Variants in E2F3 observed in about 807,000 individuals in gnomAD.
E2F3 encodes the protein transcription factor E2F3.
A neutral mutation model predicts 44.4 loss-of-function variants in E2F3; 11 were observed. The ratio of observed to expected loss-of-function variants is 0.25; its 90% CI spans 0.16 to 0.41. The LOEUF (loss-of-function observed/expected upper bound fraction) is 0.41. Among genes scored for constraint, E2F3 ranks in the 10% least tolerant of loss-of-function variants. E2F3 has a pLI of 1.00. For missense variants in E2F3, 487 were observed against 583.6 expected, an observed-to-expected ratio of 0.83 and a Z score of 1.70; for synonymous variants, 249 against 253.0, an observed-to-expected ratio of 0.98 and a Z score of 0.15.
chr6:20,413,484 A>C (rs1216050922), intron 1 of E2F3, among the ~76,000 whole-genome samples: 2 of 152,184 alleles, frequency 1.3e-5, no homozygotes, highest in Non-Finnish European at 2.9e-5. Flanking sequence ...TGGTTCCAAA[A>C]CTTGCAGACT....
At chr6:20,480,457 A>G (rs2127620699) in intron 2 of E2F3, among the ~76,000 whole-genome samples, 1 of 152,318 alleles carries the variant, frequency 6.6e-6, no homozygotes, top group South Asian at 2.1e-4. Flanking sequence ...TAGGTTAGAA[A>G]TAGCCAACTA....
At chr6:20,488,438 C>G (rs1345165503) in intron 6 of E2F3, among the ~76,000 whole-genome samples, 190 bp downstream of exon 6, 1 of 152,188 alleles carries the variant, frequency 6.6e-6, no homozygotes, top group Non-Finnish European at 1.5e-5. Flanking sequence ...CCTTCACCCA[C>G]TTATGGAGTC....
intron 1 of E2F3, among the ~76,000 whole-genome samples, chr6:20,466,613 T>G (rs1761718437): frequency 1.3e-5 from 2 of 152,156 alleles, no homozygotes; most frequent in Non-Finnish European, 2.9e-5. Flanking sequence ...ATCTAAAGAT[T>G]TCCACCATAC....
chr6:20,422,595 G>A (rs9465738), intron 1 of E2F3, among the ~76,000 whole-genome samples: 43,098 of 152,018 alleles, frequency 0.28, 8,188 homozygotes, highest in African/African-American at 0.53. Context: ...GATTTAGAGG[G>A]AGGGATGTGT....
chr6:20,409,754 A>T (rs1759606860), intron 1 of E2F3, among the ~76,000 whole-genome samples: 1 of 152,242 alleles, frequency 6.6e-6, no homozygotes, highest in Non-Finnish European at 1.5e-5. Flanking sequence ...GAGAAAGCTT[A>T]AAAATAGAAT....
At chr6:20,436,452 AACACACACACACACAC>A (rs765678025) in intron 1 of E2F3, among the ~76,000 whole-genome samples, 3 of 146,232 alleles carry the variant, frequency 2.1e-5, no homozygotes, top group Non-Finnish European at 4.5e-5. Context: ...TGAGCTAGGA[AACACACACACACACAC>A]ACACACACAC....
chr6:20,407,421 T>C (rs1288307117), intron 1 of E2F3, among the ~76,000 whole-genome samples: 1 of 152,164 alleles, frequency 6.6e-6, no homozygotes, highest in African/African-American at 2.4e-5. Flanking sequence ...TTTCTATAAA[T>C]CGCCACCTTG....
intron 1 of E2F3, among the ~76,000 whole-genome samples, chr6:20,424,816 T>C (rs1760158076): frequency 6.6e-6 from 1 of 152,102 alleles, no homozygotes; most frequent in Non-Finnish European, 1.5e-5. Context: ...TCCTCATCTG[T>C]AGATGAGGAA....
intron 1 of E2F3, among the ~76,000 whole-genome samples, chr6:20,463,833 C>T (rs574788841): frequency 9.3e-4 from 142 of 152,272 alleles, no homozygotes; most frequent in African/African-American, 3.2e-3. Flanking sequence ...GGCTGAGCCC[C>T]GCACAACTGT....
chr6:20,484,079 T>G lies in E2F3; in HGVS notation c.884+1159T>G, dbSNP rs3806115. ...AACAGTTGGGCTGTTTCATTCATTG[T>G]TTGGTTGGGAGCCCCATTGTGGAAG... On this transcript the variant is annotated intron_variant, in intron 4 of 6. Coordinates refer to ENST00000346618, the MANE Select transcript of E2F3 (RefSeq NM_001949.5). Among the ~76,000 whole-genome samples, 160 of 152,282 alleles carry G rather than the reference T, an allele frequency of 1.1e-3. 3 individuals are homozygous for G. The East Asian group carries it at 0.027, about 26-fold the overall frequency.
At chr6:20,478,081 C>T (rs1762104665) in intron 1 of E2F3, among the ~76,000 whole-genome samples, 2 of 151,960 alleles carry the variant, frequency 1.3e-5, no homozygotes, top group Non-Finnish European at 2.9e-5. Context: ...CACCTGTGGT[C>T]CCATCTACTC....
intron 1 of E2F3, among the ~76,000 whole-genome samples, chr6:20,446,339 A>G (rs556704570): frequency 1.3e-5 from 2 of 152,336 alleles, no homozygotes; most frequent in South Asian, 2.1e-4. Flanking sequence ...GACTTATAGT[A>G]GAGCATCAGT....
Position 20,402,281 on chromosome 6 carries a change from G to A in E2F3, c.49G>A (p.Gly17Arg). ...PALEQYLVTA[G>R]GGEGAAVVAA... ...TCTGGAGCAGTACCTGGTGACCGCC[G>A]GGGGTGGGGAGGGGGCGGCTGTCGT... The change falls in exon 1 of 7, where the codon GGG becomes AGG. Residue 17 changes from glycine (G) to arginine (R), a missense_variant. Physicochemically the swap from Gly to Arg is moderately radical, Grantham distance 125. Around this residue, in one of 3 missense-constraint regions of E2F3, gnomAD observed 238 missense variants for 236.0 expected, o/e 1.01. Transcript: ENST00000346618. The surrounding 1 kb of genome is among the most constrained non-coding windows in gnomAD (Gnocchi z 5.6). The A allele has an allele frequency of 6.2e-7, 1 of 1,608,618 alleles. No individual in the cohort carries two copies. The highest frequency in any genetic ancestry group is 8.5e-7 in the Non-Finnish European group (1 of 1,178,678).
At chr6:20,488,388 C>A in intron 6 of E2F3, 140 bp downstream of exon 6, 1 of 1,067,250 alleles carries the variant, frequency 9.4e-7, no homozygotes, top group Non-Finnish European at 1.3e-6. Flanking sequence ...GACATTCTGA[C>A]TGGTTTGCAG....
intron 1 of E2F3, among the ~76,000 whole-genome samples, chr6:20,467,887 G>A (rs558899193): frequency 2.0e-5 from 3 of 151,532 alleles, no homozygotes; most frequent in South Asian, 2.1e-4. Flanking sequence ...CATGGGTATG[G>A]AGCTGCCACT....
intron 1 of E2F3, among the ~76,000 whole-genome samples, chr6:20,407,758 A>G (rs1399160173): frequency 6.6e-6 from 1 of 152,230 alleles, no homozygotes; most frequent in Non-Finnish European, 1.5e-5. Flanking sequence ...TGATTTTACA[A>G]ATATTCCATT....
intron 6 of E2F3, among the ~76,000 whole-genome samples, chr6:20,489,395 C>T (rs937511865): frequency 1.3e-5 from 2 of 151,936 alleles, no homozygotes; most frequent in Non-Finnish European, 2.9e-5. Context: ...CCCAGGAGTT[C>T]GAGGTTAGAG....
intron 1 of E2F3, among the ~76,000 whole-genome samples, chr6:20,471,333 A>G (rs1761882239): frequency 6.6e-6 from 1 of 152,228 alleles, no homozygotes; most frequent in Non-Finnish European, 1.5e-5. Flanking sequence ...CTGTAATGCC[A>G]GCACTTTGGG....
At chr6:20,480,904 C>T (rs951016028) in intron 2 of E2F3, among the ~76,000 whole-genome samples, 4 of 152,144 alleles carry the variant, frequency 2.6e-5, no homozygotes, top group African/African-American at 7.2e-5. Flanking sequence ...TTTTTAGCGC[C>T]CGCTATATGT....
Sources: gnomAD v4.1 joint callset for allele counts (sites outside exome capture counted in the v4.1 genomes callset) on GRCh38, gnomAD v4.1.1 for gene constraint, gnomAD v4.1.1 regional missense constraint, Gnocchi (gnomAD v3.1) non-coding constraint, MANE v1.5 for transcripts, NCBI Gene and HGNC (gene_info 2026-07-23, HGNC 2026-07-21) for gene names.